DOCK3: variants seen among roughly 807,000 people sequenced by gnomAD.
The protein encoded by DOCK3 is dedicator of cytokinesis 3, also known as dedicator of cytokinesis protein 3.
DOCK3 carries 60 observed loss-of-function variants against 265.6 expected under a neutral mutation model. That is an observed-to-expected ratio of 0.23 (90% CI 0.18 to 0.28). DOCK3 has a LOEUF of 0.28. Ranked by LOEUF, DOCK3 falls within the 10% of genes least tolerant of loss-of-function variation. DOCK3 has a pLI of 1.00. For missense variants in DOCK3, 1,981 were observed against 2,594.3 expected (o/e 0.76, Z 5.14); for synonymous variants, 881 against 938.0 (o/e 0.94, Z 1.11).
chr3:51,152,686 A>G (rs1223019794), intron 10 of DOCK3, among the ~76,000 whole-genome samples: 1 of 152,026 alleles, frequency 6.6e-6, no homozygotes, highest in East Asian at 1.9e-4. Context: ...TTTGGTGTTG[A>G]TGTCCTTTTT....
chr3:51,041,168 AT>A (rs1477085786), intron 5 of DOCK3, among the ~76,000 whole-genome samples: 1 of 9,322 alleles, frequency 1.1e-4, no homozygotes, highest in African/African-American at 2.7e-4. Flanking sequence ...AAATGTATAT[AT>A]ATATATATAT....
At chr3:50,870,499 T>A (rs1321822462) in intron 3 of DOCK3, among the ~76,000 whole-genome samples, 2 of 152,150 alleles carry the variant, frequency 1.3e-5, no homozygotes, top group Non-Finnish European at 2.9e-5. Context: ...CACATGTGCC[T>A]TTATAGGGTA....
chr3:51,002,575 T>C (rs937498310), intron 5 of DOCK3, among the ~76,000 whole-genome samples: 2 of 152,240 alleles, frequency 1.3e-5, no homozygotes, highest in African/African-American at 4.8e-5. Context: ...ATAACTGTGA[T>C]CCAGTTTAAG....
At chr3:50,905,287 A>T (rs2049423980) in intron 4 of DOCK3, among the ~76,000 whole-genome samples, 1 of 152,002 alleles carries the variant, frequency 6.6e-6, no homozygotes, top group Non-Finnish European at 1.5e-5. Context: ...AGTTTTTTCC[A>T]ATTCTGTGAA....
chr3:50,710,605 T>G (rs1208866724), intron 1 of DOCK3, among the ~76,000 whole-genome samples: 1 of 152,196 alleles, frequency 6.6e-6, no homozygotes, highest in African/African-American at 2.4e-5. Context: ...GAATGGAGAT[T>G]CCTTAAATAA....
intron 2 of DOCK3, among the ~76,000 whole-genome samples, chr3:50,815,619 AT>A (rs34790456): frequency 7.3e-4 from 107 of 146,320 alleles, no homozygotes; most frequent in Middle Eastern, 3.5e-3. Flanking sequence ...ACGGAAGGCA[AT>A]TTTTTTTTTT....
chr3:50,865,769 A>G (rs2047111881), intron 3 of DOCK3, among the ~76,000 whole-genome samples: 1 of 152,194 alleles, frequency 6.6e-6, no homozygotes, highest in South Asian at 2.1e-4. Flanking sequence ...ATTCCCACCA[A>G]CAGCATGCAA....
chr3:50,892,660 A>G (rs2048696852), intron 4 of DOCK3, among the ~76,000 whole-genome samples: 1 of 152,082 alleles, frequency 6.6e-6, no homozygotes, highest in African/African-American at 2.4e-5. Flanking sequence ...TAATTTAAAC[A>G]TGCAGGGGAA....
At chr3:51,071,129 A>G (rs1413117779) in intron 6 of DOCK3, among the ~76,000 whole-genome samples, 1 of 152,162 alleles carries the variant, frequency 6.6e-6, no homozygotes, top group Non-Finnish European at 1.5e-5. Context: ...TAGAACATAG[A>G]ATAGAGAGTA....
chr3:51,272,889 G>C (rs1267140586), intron 24 of DOCK3, among the ~76,000 whole-genome samples: 1 of 151,978 alleles, frequency 6.6e-6, no homozygotes, highest in Non-Finnish European at 1.5e-5. Context: ...TTTTGGCCGG[G>C]CACGGTGGCT....
At chr3:51,150,827 G>C (rs1284648348) in intron 10 of DOCK3, among the ~76,000 whole-genome samples, 1 of 152,210 alleles carries the variant, frequency 6.6e-6, no homozygotes, top group African/African-American at 2.4e-5. Context: ...ATTTGGGGTG[G>C]AGAGTTCTGT....
chr3:50,802,608 A>G lies in DOCK3; in HGVS notation c.121+23850A>G, dbSNP rs746776290. On this transcript the variant is annotated intron_variant, in intron 2 of 52. Transcript: ENST00000266037. ...CTTTGAATATATCATCCCACTCTCT[A>G]TTGGCCTGTAAGTTTTCTCCTGAGA... Among the ~76,000 whole-genome samples the G allele has an allele frequency of 1.1e-4, 16 of 152,026 alleles. 1 individual carries two copies. The highest frequency in any genetic ancestry group is 1.9e-4 in the Non-Finnish European group (13 of 67,996).
At chr3:50,972,372 T>TG (rs1469387382) in intron 5 of DOCK3, among the ~76,000 whole-genome samples, 1 of 152,252 alleles carries the variant, frequency 6.6e-6, no homozygotes, top group Non-Finnish European at 1.5e-5. Flanking sequence ...TCTCTGTATC[T>TG]GCGCCTGAGC....
chr3:50,914,832 C>T lies in DOCK3; in HGVS notation c.219-19149C>T, dbSNP rs143963838. On this transcript the variant is annotated intron_variant, in intron 4 of 52. Coordinates refer to ENST00000266037, the MANE Select transcript of DOCK3 (RefSeq NM_004947.5). ...ATTCATTCTTTAATTTTTGCTTTTC[C>T]CACAATGGGGAGACTTAACCAATGG... 8.9e-3 allele frequency among the ~76,000 whole-genome samples: 1,347 copies of T among 152,034 alleles called. 36 individuals are homozygous for T. Among genetic ancestry groups the T allele is most frequent in the African/African-American group, 0.029 (1,200 of 41,368 alleles).
chr3:50,798,138 A>G (rs1254279379), intron 2 of DOCK3, among the ~76,000 whole-genome samples: 1 of 152,234 alleles, frequency 6.6e-6, no homozygotes, highest in Non-Finnish European at 1.5e-5. Context: ...AATCTGTTAC[A>G]TGCGAGGGGG....
intron 2 of DOCK3, among the ~76,000 whole-genome samples, chr3:50,801,991 G>A (rs970819033): frequency 3.3e-5 from 5 of 151,898 alleles, no homozygotes; most frequent in African/African-American, 9.7e-5. Context: ...GGTCTTTTTC[G>A]TCCAATATAA....
chr3:51,379,642 C>T (rs971808870), intron 51 of DOCK3: 36 of 984,814 alleles, frequency 3.7e-5, no homozygotes, highest in Non-Finnish European at 4.2e-5. Flanking sequence ...ACAGCAACAG[C>T]CATCTAAGCT....
intron 9 of DOCK3, among the ~76,000 whole-genome samples, chr3:51,137,462 C>T (rs372207613): frequency 3.9e-5 from 6 of 152,260 alleles, no homozygotes; most frequent in East Asian, 1.9e-4. Flanking sequence ...GATGTACCCT[C>T]GTTGAGGATA....
At chr3:51,299,206 G>A (rs962042449) in intron 27 of DOCK3, among the ~76,000 whole-genome samples, 4 of 151,786 alleles carry the variant, frequency 2.6e-5, no homozygotes, top group South Asian at 2.1e-4. Flanking sequence ...TTTATGGGCC[G>A]CGTAAGTGTC....
Sources: allele counts gnomAD v4.1 joint callset (sites outside exome capture counted in the v4.1 genomes callset), GRCh38; gene constraint gnomAD v4.1.1; transcripts MANE v1.5; gene names NCBI Gene and HGNC (gene_info 2026-07-23, HGNC 2026-07-21).